The following GRM8 variants were observed in gnomAD, a reference collection of about 807,000 sequenced individuals.
GRM8 encodes glutamate metabotropic receptor 8.
GRM8 carries 47 observed loss-of-function variants against 87.2 expected under a neutral mutation model. The ratio of observed to expected loss-of-function variants is 0.54; its 90% confidence interval spans 0.43 to 0.69. The LOEUF (loss-of-function observed/expected upper bound fraction) is 0.69, where lower values mean the gene tolerates loss of function less well. Ranked by LOEUF, GRM8 falls within the 30% of genes least tolerant of loss-of-function variation. The pLI, the probability that GRM8 is intolerant of heterozygous loss-of-function variation, is 0.00. For missense variants in GRM8, 1,019 were observed against 1,139.2 expected (o/e 0.89, Z 1.52); for synonymous variants, 396 against 404.5 (o/e 0.98, Z 0.25).
At chr7:126,606,093 C>T (rs1798316267) in intron 8 of GRM8, among the ~76,000 whole-genome samples, 1 of 152,106 alleles carries the variant, frequency 6.6e-6, no homozygotes, top group South Asian at 2.1e-4. Context: ...ATAAATTTAT[C>T]TCATATAAAG....
At chr7:126,763,723 C>G (rs1353291821) in intron 7 of GRM8, among the ~76,000 whole-genome samples, 1 of 151,368 alleles carries the variant, frequency 6.6e-6, no homozygotes, top group Non-Finnish European at 1.5e-5. Context: ...TAAAATCACT[C>G]TAGTTATTTT....
At chr7:126,522,460 T>C (rs1256436311) in intron 9 of GRM8, among the ~76,000 whole-genome samples, 6 of 152,134 alleles carry the variant, frequency 3.9e-5, no homozygotes, top group Non-Finnish European at 1.5e-5. Context: ...ATGGCATAAA[T>C]CCCTTCATAA....
intron 2 of GRM8, among the ~76,000 whole-genome samples, chr7:127,232,212 TGAGAGAGAGAGAGA>T (rs71177600): frequency 7.0e-6 from 1 of 143,648 alleles, no homozygotes; most frequent in Admixed American, 7.1e-5. Context: ...TGTGTGTGTG[TGAGAGAGAGAGAGA>T]GAGAGAGAGA....
At chr7:127,024,669 C>A (rs1381411067) in intron 3 of GRM8, among the ~76,000 whole-genome samples, 1 of 152,046 alleles carries the variant, frequency 6.6e-6, no homozygotes, top group Admixed American at 6.6e-5. Flanking sequence ...AGAAATTGAT[C>A]CCTGACCTCA....
chr7:127,250,445 T>C (rs886408352), intron 1 of GRM8, among the ~76,000 whole-genome samples: 14 of 152,312 alleles, frequency 9.2e-5, no homozygotes, highest in African/African-American at 3.4e-4. Flanking sequence ...TCTCAGTATC[T>C]TCTTCTTTAT....
chr7:127,094,027 T>C (rs1451096792), intron 3 of GRM8, among the ~76,000 whole-genome samples: 1 of 152,260 alleles, frequency 6.6e-6, no homozygotes, highest in East Asian at 1.9e-4. Context: ...AGTTGATACA[T>C]GATGAAGTAA....
At chr7:126,590,838 T>C (rs1045380685) in intron 8 of GRM8, among the ~76,000 whole-genome samples, 4 of 152,126 alleles carry the variant, frequency 2.6e-5, no homozygotes, top group Admixed American at 2.6e-4. Flanking sequence ...AATATACCAC[T>C]ACCAAGCCAG....
intron 2 of GRM8, among the ~76,000 whole-genome samples, chr7:127,109,371 G>C (rs975000633): frequency 6.6e-6 from 1 of 151,946 alleles, no homozygotes; most frequent in Admixed American, 6.6e-5. Flanking sequence ...AACTCCCATG[G>C]CCAATGTAAA....
At chr7:126,499,423 A>G (rs969228177) in intron 9 of GRM8, among the ~76,000 whole-genome samples, 1 of 151,812 alleles carries the variant, frequency 6.6e-6, no homozygotes, top group Non-Finnish European at 1.5e-5. Context: ...CAAAAAAAAA[A>G]AAACTAGAAT....
intron 2 of GRM8, among the ~76,000 whole-genome samples, chr7:127,177,542 A>C (rs1017830627): frequency 2.0e-5 from 3 of 152,222 alleles, no homozygotes; most frequent in African/African-American, 7.2e-5. Context: ...GAGGCCAACC[A>C]GCACAAAAAT....
Position 126,802,152 on chromosome 7 carries a change from C to T in GRM8, c.1157-32087G>A, listed in dbSNP as rs539570943. Among the ~76,000 whole-genome samples, 7 of 152,240 alleles carry T rather than the reference C, an allele frequency of 4.6e-5. No individual in the cohort carries two copies. The East Asian group carries it at 9.7e-4, about 21-fold the overall frequency. ...GCTAAATGAAGCTATTTCACACATG[C>T]GTTACCTCACATATGTATGTCTTTT... On this transcript the variant is annotated intron_variant, in intron 6 of 10. Transcript: ENST00000339582.
chr7:126,703,592 C>CT (rs1181843745), intron 7 of GRM8, among the ~76,000 whole-genome samples: 1 of 152,168 alleles, frequency 6.6e-6, no homozygotes, highest in African/African-American at 2.4e-5. Context: ...GAGGTCTCGT[C>CT]TTTATCACTC....
At chr7:127,187,538 C>A (rs1794803766) in intron 2 of GRM8, among the ~76,000 whole-genome samples, 1 of 152,092 alleles carries the variant, frequency 6.6e-6, no homozygotes, top group Admixed American at 6.6e-5. Flanking sequence ...AGGAGTTCAC[C>A]CAGATAATCT....
At chr7:126,642,886 T>C (rs1802560090) in intron 7 of GRM8, among the ~76,000 whole-genome samples, 1 of 151,886 alleles carries the variant, frequency 6.6e-6, no homozygotes, top group Non-Finnish European at 1.5e-5. Context: ...AAAATGGGGG[T>C]GACAATAGGG....
chr7:126,928,885 G>T, intron 3 of GRM8, among the ~76,000 whole-genome samples: 2 of 152,184 alleles, frequency 1.3e-5, no homozygotes, highest in East Asian at 3.9e-4. Flanking sequence ...AAAAAAATAC[G>T]TATTCAAGGG....
intron 3 of GRM8, among the ~76,000 whole-genome samples, chr7:127,073,675 A>T (rs1467370634): frequency 6.6e-6 from 1 of 152,116 alleles, no homozygotes; most frequent in East Asian, 1.9e-4. Context: ...AGCATGAGTC[A>T]TTTGAAGTTC....
chr7:126,580,007 T>C (rs1430193855), intron 8 of GRM8, among the ~76,000 whole-genome samples: 4 of 151,982 alleles, frequency 2.6e-5, no homozygotes, highest in Non-Finnish European at 5.9e-5. Context: ...AAAAAAAAAG[T>C]TGTGGTTAGA....
intron 9 of GRM8, among the ~76,000 whole-genome samples, chr7:126,464,720 C>T (rs768171552): frequency 1.3e-5 from 2 of 151,624 alleles, no homozygotes; most frequent in Non-Finnish European, 3.0e-5. Flanking sequence ...ATTTTAAACT[C>T]ATGACAATGT....
At chr7:126,845,687 T>G (rs1442522948) in intron 6 of GRM8, among the ~76,000 whole-genome samples, 1 of 152,232 alleles carries the variant, frequency 6.6e-6, no homozygotes, top group African/African-American at 2.4e-5. Context: ...AATATTTGTA[T>G]CTTTGTTGGG....
Sources: gnomAD v4.1 joint callset for allele counts (sites outside exome capture counted in the v4.1 genomes callset) on GRCh38, gnomAD v4.1.1 for gene constraint, MANE v1.5 for transcripts, NCBI Gene and HGNC (gene_info 2026-07-23, HGNC 2026-07-21) for gene names.